MARCHF1: variants seen among roughly 807,000 people sequenced by gnomAD.
MARCHF1 encodes E3 ubiquitin-protein ligase MARCHF1.
MARCHF1 carries 40 observed loss-of-function variants against 54.2 expected under a neutral mutation model. The observed-to-expected ratio is 0.74, with a 90% CI of 0.57 to 0.96. The LOEUF (loss-of-function observed/expected upper bound fraction) is 0.96, where lower values mean the gene tolerates loss of function less well. Among genes scored for constraint, MARCHF1 ranks in the 40% least tolerant of loss-of-function variants. MARCHF1 has a pLI of 0.00. For missense variants in MARCHF1, 586 were observed against 656.5 expected (o/e 0.89, Z 1.17); for synonymous variants, 236 against 236.3 (o/e 1.00, Z 0.01).
Position 163,527,665 on chromosome 4 carries a change from T to C in MARCHF1, c.*1083A>G, listed in dbSNP as rs1738169619. 6.6e-6 allele frequency: 1 copy of C among 151,980 alleles called. No homozygotes were observed. The highest frequency in any genetic ancestry group is 1.5e-5 in the Non-Finnish European group (1 of 67,928). The allele number at this position is 151,980 out of a possible 1,614,324, so 9.4% of individuals were successfully genotyped here. A position where few individuals can be genotyped will look rare whatever the true frequency, so the allele number is the denominator to read the frequency against. ...TTTGAAATAAAAGAATGAATTAAACTGTTTTGAAATACTCAACAACTGTTA... is the reference window on the plus strand; with the variant it reads ...TTTGAAATAAAAGAATGAATTAAACCGTTTTGAAATACTCAACAACTGTTA... On this transcript the variant is annotated 3_prime_UTR_variant, in exon 10 of 10. Coordinates refer to ENST00000514618, the MANE Select transcript of MARCHF1 (RefSeq NM_001394959.1).
At chr4:164,280,798 A>G (rs189751901) in intron 1 of MARCHF1, among the ~76,000 whole-genome samples, 2 of 152,230 alleles carry the variant, frequency 1.3e-5, no homozygotes, top group East Asian at 1.9e-4. Context: ...ATGCCACTGG[A>G]TAAAACTAGA....
chr4:163,899,886 TTC>T lies in MARCHF1; in HGVS notation c.-38-45719_-38-45718del, dbSNP rs1491312697. On this transcript the variant is annotated intron_variant, in intron 3 of 9. Coordinates refer to ENST00000514618, the MANE Select transcript of MARCHF1 (RefSeq NM_001394959.1). ...AAGCTATGCCTTTCTTTTTCTTTTTTTCTTTTTTTAAACATTCCACACATGTT... is the reference window on the plus strand; with the variant it reads ...AAGCTATGCCTTTCTTTTTCTTTTTTTTTTTTTAAACATTCCACACATGTT... 1.2e-3 allele frequency among the ~76,000 whole-genome samples: 156 copies of T among 133,900 alleles called. 1 individual carries two copies. The highest frequency in any genetic ancestry group is 2.1e-3 in the African/African-American group (81 of 38,158). 87.8% of individuals were successfully genotyped at this position (133,900 alleles called of 152,430 possible). A position where few individuals can be genotyped will look rare whatever the true frequency, so the allele number is the denominator to read the frequency against.
intron 5 of MARCHF1, among the ~76,000 whole-genome samples, chr4:163,639,071 G>T (rs988784137): frequency 6.6e-6 from 1 of 152,098 alleles, no homozygotes; most frequent in Non-Finnish European, 1.5e-5. Context: ...TGGGTATAGA[G>T]TTTCAGTTTT....
chr4:164,140,368 T>C (rs1756502019), intron 1 of MARCHF1, among the ~76,000 whole-genome samples: 1 of 151,960 alleles, frequency 6.6e-6, no homozygotes, highest in South Asian at 2.1e-4. Flanking sequence ...TTTGTCTTAC[T>C]TGAGTTTCTT....
intron 2 of MARCHF1, among the ~76,000 whole-genome samples, chr4:164,056,404 G>A (rs1038647499): frequency 2.0e-5 from 3 of 152,126 alleles, no homozygotes; most frequent in African/African-American, 4.8e-5. Context: ...GAAATCTCCT[G>A]AGCATTTGAG....
chr4:163,613,544 G>A (rs1306935607), intron 5 of MARCHF1, 151 bp from the exon 6 acceptor site: 5 of 1,547,682 alleles, frequency 3.2e-6, no homozygotes, highest in African/African-American at 1.4e-5. Flanking sequence ...GGAAGTTTGA[G>A]GTTGGTTTTG....
At chr4:163,734,266 G>T (rs187582830) in intron 4 of MARCHF1, among the ~76,000 whole-genome samples, 14 of 152,190 alleles carry the variant, frequency 9.2e-5, no homozygotes, top group Admixed American at 8.5e-4. Flanking sequence ...AAATAGTTTG[G>T]CAACTTCTTA....
chr4:164,260,555 T>C (rs1733433435), intron 1 of MARCHF1, among the ~76,000 whole-genome samples: 1 of 152,092 alleles, frequency 6.6e-6, no homozygotes, highest in Non-Finnish European at 1.5e-5. Flanking sequence ...TAGATGTTTC[T>C]CTTGACTAAC....
intron 1 of MARCHF1, among the ~76,000 whole-genome samples, chr4:164,128,675 G>A (rs1382352217): frequency 6.6e-6 from 1 of 152,028 alleles, no homozygotes; most frequent in Admixed American, 6.6e-5. Context: ...ATATATTGCT[G>A]GTGAGAAACT....
intron 4 of MARCHF1, among the ~76,000 whole-genome samples, chr4:163,774,591 G>A (rs187233117): frequency 1.8e-4 from 26 of 147,486 alleles, no homozygotes; most frequent in African/African-American, 6.3e-4. Flanking sequence ...TCCATCTTCC[G>A]GGTTCAAGCT....
chr4:163,574,559 G>T (rs6823369), intron 8 of MARCHF1, among the ~76,000 whole-genome samples: 69,049 of 121,148 alleles, frequency 0.57, 20,487 homozygotes, highest in East Asian at 0.73. Context: ...CAGCACCATT[G>T]ATTAAATAGG....
rs1239670730 is a variant in MARCHF1, at chr4:163,597,981, CCCT to C, written c.1011-12055_1011-12053del. On this transcript the variant is annotated intron_variant, in intron 7 of 9. Coordinates refer to ENST00000514618, the MANE Select transcript of MARCHF1 (RefSeq NM_001394959.1). ...AAGGACAGAAAAGTATTGTCTGCTC[CCCT>C]CCTCCTTCAGATACACCAATATTCT... Among the ~76,000 whole-genome samples, 14 of 152,242 alleles carry C rather than the reference CCCT, an allele frequency of 9.2e-5. No homozygotes were observed. In the South Asian group the frequency reaches 2.3e-3, roughly 25 times the overall value.
intron 1 of MARCHF1, among the ~76,000 whole-genome samples, chr4:164,120,314 C>T (rs2915262): frequency 0.92 from 139,321 of 152,118 alleles, 63,980 homozygotes; most frequent in East Asian, 1. Context: ...CACCCAACAC[C>T]GGAGCACCCA....
At chr4:163,582,944 T>C (rs1470976115) in intron 8 of MARCHF1, among the ~76,000 whole-genome samples, 1 of 152,170 alleles carries the variant, frequency 6.6e-6, no homozygotes, top group African/African-American at 2.4e-5. Flanking sequence ...GTGCCTCATA[T>C]TTTTAAAGGA....
intron 5 of MARCHF1, among the ~76,000 whole-genome samples, chr4:163,649,305 C>T (rs1377817877): frequency 1.3e-5 from 2 of 151,986 alleles, no homozygotes; most frequent in African/African-American, 4.8e-5. Flanking sequence ...AATCTAGCTA[C>T]TCTAAGTTTA....
intron 4 of MARCHF1, among the ~76,000 whole-genome samples, chr4:163,851,005 T>A (rs751793272): frequency 6.6e-6 from 1 of 152,116 alleles, no homozygotes; most frequent in East Asian, 1.9e-4. Flanking sequence ...AAAAGTTCCA[T>A]TTGTGTAACA....
rs186928656 is a variant in MARCHF1 at position 163,526,560 on chromosome 4, C to T, written c.*2188G>A. On this transcript the variant is annotated 3_prime_UTR_variant, in exon 10 of 10. Transcript: ENST00000514618. ...GGATATGGTGCCATGGTTAAATCAC[C>T]CACAGATTTGTTATTCATAAATGTA... 6.6e-6 allele frequency: 1 copy of T among 151,908 alleles called. No homozygotes were observed. The highest frequency in any genetic ancestry group is 1.9e-4 in the East Asian group (1 of 5,164). 9.4% of individuals were successfully genotyped at this position (151,908 alleles called of 1,614,324 possible). A position where few individuals can be genotyped will look rare whatever the true frequency, so the allele number is the denominator to read the frequency against.
At chr4:163,576,892 T>C (rs1025451927) in intron 8 of MARCHF1, among the ~76,000 whole-genome samples, 1 of 152,098 alleles carries the variant, frequency 6.6e-6, no homozygotes, top group Non-Finnish European at 1.5e-5. Context: ...ATCTTTTCTG[T>C]TTTCCATTTG....
chr4:164,123,215 G>A (rs1756108338), intron 1 of MARCHF1, among the ~76,000 whole-genome samples: 1 of 151,932 alleles, frequency 6.6e-6, no homozygotes, highest in African/African-American at 2.4e-5. Flanking sequence ...ATTTACAATA[G>A]CCACACACAA....
Sources: gnomAD v4.1 joint callset for allele counts (sites outside exome capture counted in the v4.1 genomes callset) on GRCh38, gnomAD v4.1.1 for gene constraint, MANE v1.5 for transcripts, NCBI Gene and HGNC (gene_info 2026-07-23, HGNC 2026-07-21) for gene names.